CLTRN: variants seen among roughly 807,000 people sequenced by gnomAD.
CLTRN encodes the protein collectrin, amino acid transport regulator, also known as collectrin.
Under a neutral mutation model 14.5 loss-of-function variants are expected in CLTRN, and 12 were observed. The observed-to-expected ratio is 0.83, with a 90% CI of 0.53 to 1.34. CLTRN has a LOEUF of 1.34. Among genes scored for constraint, CLTRN ranks in the 40% most tolerant of loss-of-function variants. CLTRN has a pLI of 0.00. For missense variants in CLTRN, 154 were observed against 165.1 expected, an observed-to-expected ratio of 0.93 and a Z score of 0.37; for synonymous variants, 58 against 56.5, an observed-to-expected ratio of 1.03 and a Z score of -0.12.
At chrX:15,640,849 T>A (rs1221955753) in intron 4 of CLTRN, among the ~76,000 whole-genome samples, 1 of 111,980 alleles carries the variant, frequency 8.9e-6, no homozygotes, top group Non-Finnish European at 1.9e-5. Flanking sequence ...TCTAGAAGGG[T>A]GACAGATCAG....
intron 3 of CLTRN, among the ~76,000 whole-genome samples, chrX:15,645,367 A>C (rs930733047): frequency 9.0e-6 from 1 of 110,905 alleles, no homozygotes; most frequent in Non-Finnish European, 1.9e-5. Flanking sequence ...GAACCACAGA[A>C]ACCTTTGGTA....
intron 5 of CLTRN, among the ~76,000 whole-genome samples, chrX:15,632,471 G>A (rs780883860): frequency 4.3e-4 from 48 of 111,252 alleles, no homozygotes; most frequent in African/African-American, 1.6e-4. Flanking sequence ...CCAGCTACTC[G>A]GGAGGCTGAG....
intron 5 of CLTRN, 45 bp downstream of exon 5, chrX:15,639,517 G>A: frequency 9.0e-7 from 1 of 1,108,558 alleles, no homozygotes. Context: ...AAGTCATGAG[G>A]AAATAAGAAA....
At chrX:15,670,226 A>G (rs1007957971) in intron 1 of CLTRN, among the ~76,000 whole-genome samples, 1 of 109,269 alleles carries the variant, frequency 9.2e-6, no homozygotes, top group Non-Finnish European at 1.9e-5. Flanking sequence ...GCAGTGAGCC[A>G]TGATTGTGCC....
chrX:15,629,339 G>C (rs932223232), intron 5 of CLTRN, among the ~76,000 whole-genome samples: 1 of 110,847 alleles, frequency 9.0e-6, no homozygotes, highest in Non-Finnish European at 1.9e-5. Flanking sequence ...AATGATGACC[G>C]AGATGGAATT....
chrX:15,674,507 A>G (rs886192682), intron 1 of CLTRN, among the ~76,000 whole-genome samples: 3 of 112,685 alleles, frequency 2.7e-5, no homozygotes, highest in Middle Eastern at 4.2e-3. Flanking sequence ...AAACCTAGCT[A>G]GAAGGAACAT....
rs944035244 is a variant in CLTRN at position 15,644,920 on chromosome X, T to C, written c.313A>G (p.Ile105Val). The change falls in exon 4 of 6, where the codon ATA (isoleucine) becomes GTA (valine). Residue 105 changes from isoleucine (I) to valine (V), a missense_variant. Ile to Val is a conservative substitution (Grantham distance 29, BLOSUM62 3). Coordinates refer to ENST00000380342, the MANE Select transcript of CLTRN (RefSeq NM_020665.6). ...TLPAVEVQSA[I>V]RMNKNRINNA... ...GGCATATTTAAGGGTGATTACCTTA[T>C]GGCTGATTGCACCTCAACAGCAGGA... 8.4e-7 allele frequency: 1 copy of C among 1,187,571 alleles called. No homozygotes were observed. The highest frequency in any genetic ancestry group is 1.1e-6 in the Non-Finnish European group (1 of 878,225).
chrX:15,632,100 T>C (rs995053346), intron 5 of CLTRN, among the ~76,000 whole-genome samples: 2 of 111,557 alleles, frequency 1.8e-5, no homozygotes, highest in African/African-American at 6.5e-5. Context: ...CCTAGAAGCC[T>C]TGAGAGTGAA....
At chrX:15,663,524 A>G (rs1454043981) in intron 2 of CLTRN, among the ~76,000 whole-genome samples, 2 of 112,604 alleles carry the variant, frequency 1.8e-5, no homozygotes, top group Non-Finnish European at 3.8e-5. Flanking sequence ...AGGTGCTTAG[A>G]AGAGCCCCAG....
intron 1 of CLTRN, among the ~76,000 whole-genome samples, chrX:15,673,650 C>T (rs771254145): frequency 1.8e-5 from 2 of 112,298 alleles, no homozygotes; most frequent in South Asian, 7.3e-4. Context: ...CTCTGTGCTC[C>T]TTGTAGCTCA....
chrX:15,651,853 G>T (rs899792018), intron 3 of CLTRN, among the ~76,000 whole-genome samples: 1 of 111,868 alleles, frequency 8.9e-6, no homozygotes, highest in Non-Finnish European at 1.9e-5. Context: ...GTCCAGGGCT[G>T]TAATAACAGA....
rs762889625 is a variant in CLTRN at position 15,644,077 on chromosome X, G to A, written c.317+839C>T. Among the ~76,000 whole-genome samples, 7 of 111,848 alleles carry A rather than the reference G, an allele frequency of 6.3e-5. No individual in the cohort carries two copies. The East Asian group carries it at 1.4e-3, about 22-fold the overall frequency. On this transcript the variant is annotated intron_variant, in intron 4 of 5. Transcript: ENST00000380342. ...CCTAATTCTTGAAAGTCTCGAATTC[G>A]TTTCACTTTTGAGTTTCTTACGATC...
chrX:15,671,173 G>C (rs1313087885), intron 1 of CLTRN, among the ~76,000 whole-genome samples: 1 of 111,592 alleles, frequency 9.0e-6, no homozygotes, highest in African/African-American at 3.3e-5. Context: ...GATGGCAATA[G>C]ATGCACATAC....
chrX:15,646,483 G>A (rs916726179), intron 3 of CLTRN: 20 of 113,032 alleles, frequency 1.8e-4, no homozygotes, highest in Non-Finnish European at 1.1e-4. Context: ...CGACCCCCGC[G>A]CCAGAAGCAC....
rs1435868426 is a variant in CLTRN at position 15,639,716 on chromosome X, C to T, written c.358G>A (p.Asp120Asn). Residue 120 changes from aspartate (D) to asparagine (N), a missense_variant, in exon 5 of 6, where the codon GAC becomes AAC. Asp to Asn is a conservative substitution (Grantham distance 23, BLOSUM62 1). Coordinates refer to ENST00000380342, the MANE Select transcript of CLTRN (RefSeq NM_020665.6). ...ATTTTTAAAAATTCCAGAGTTTGGT[C>T]ATTTAGAAAGAAGGCATTGTTGATC... is the stretch of plus-strand genomic sequence containing the variant. ...NRINNAFFLN[D>N]QTLEFLKIPS... 3 of 1,207,340 alleles carry T rather than the reference C, an allele frequency of 2.5e-6. No individual in the cohort carries two copies. The highest frequency in any genetic ancestry group is 3.4e-6 in the Non-Finnish European group (3 of 894,349).
rs139381959 is a variant in CLTRN, at chrX:15,658,343, G to A, written c.203+673C>T. Among the ~76,000 whole-genome samples, 86 of 112,582 alleles carry A rather than the reference G, an allele frequency of 7.6e-4. 1 individual carries two copies. Among genetic ancestry groups the A allele is most frequent in the African/African-American group, 2.5e-3 (78 of 31,054 alleles). On this transcript the variant is annotated intron_variant, in intron 3 of 5. Transcript: ENST00000380342. ...TGGTTCTGTACTTAGCTAGAGAGTT[G>A]CATGAGAGACGTCTGCTATCATTTG... is the stretch of plus-strand genomic sequence containing the variant.
intron 1 of CLTRN, among the ~76,000 whole-genome samples, chrX:15,670,013 T>C (rs1313891400): frequency 1.8e-5 from 2 of 111,753 alleles, no homozygotes; most frequent in African/African-American, 6.5e-5. Flanking sequence ...TGGTGGCTCA[T>C]GCCTGTAATC....
At chrX:15,652,048 T>C (rs1215539879) in intron 3 of CLTRN, among the ~76,000 whole-genome samples, 1 of 112,258 alleles carries the variant, frequency 8.9e-6, no homozygotes, top group Non-Finnish European at 1.9e-5. Flanking sequence ...AAAAAGGAAG[T>C]AACATGAAGA....
upstream of CLTRN, among the ~76,000 whole-genome samples, chrX:15,668,171 G>C (rs1332158263): frequency 8.9e-6 from 1 of 111,999 alleles, no homozygotes; most frequent in Non-Finnish European, 1.9e-5. Context: ...TTCATAGTTA[G>C]AATGCGCCTT....
Sources: allele counts gnomAD v4.1 joint callset (sites outside exome capture counted in the v4.1 genomes callset), GRCh38; gene constraint gnomAD v4.1.1; transcripts MANE v1.5; gene names NCBI Gene and HGNC (gene_info 2026-07-23, HGNC 2026-07-21).